Variants in RAB11FIP5 observed in about 807,000 individuals in gnomAD.
RAB11FIP5 encodes the protein rab11 family-interacting protein 5.
A neutral mutation model predicts 85.1 loss-of-function variants in RAB11FIP5; 48 were observed. The observed-to-expected ratio is 0.56, with a 90% confidence interval of 0.45 to 0.72. RAB11FIP5 has a LOEUF of 0.72. Among genes scored for constraint, RAB11FIP5 ranks in the 30% least tolerant of loss-of-function variants. RAB11FIP5 has a pLI of 0.00. For synonymous variants in RAB11FIP5, 729 were observed against 727.3 expected, an observed-to-expected ratio of 1.00 and a Z score of -0.04; for missense variants, 1,491 against 1,687.0, an observed-to-expected ratio of 0.88 and a Z score of 2.04.
Position 73,079,892 on chromosome 2 carries a change from C to A in RAB11FIP5, c.3340G>T (p.Ala1114Ser), listed in dbSNP as rs1008542864. The A allele has an allele frequency of 2.3e-5, 28 of 1,232,412 alleles. No individual in the cohort carries two copies. In the Middle Eastern group the frequency reaches 1.6e-3, roughly 69 times the overall value. The allele number at this position is 1,232,412 out of a possible 1,614,324, so 76.3% of individuals were successfully genotyped here. The change falls in exon 4 of 6, where the codon GCC (alanine) becomes TCC (serine). Residue 1114 changes from alanine to serine, a missense_variant. Physicochemically the swap from Ala to Ser is moderately conservative, Grantham distance 99. Transcript: ENST00000486777. ...DFPPPPLPPW[A>S]SHHRGGPSPP... Reference sequence around the variant, plus strand: ...CTGGGCCCCCCACGGTGGTGGCTGGCCCAAGGCGGGAGAGGGGGCGGTGGA... The same window carrying A: ...CTGGGCCCCCCACGGTGGTGGCTGGACCAAGGCGGGAGAGGGGGCGGTGGA...
rs977625866 is a variant in RAB11FIP5 at position 73,079,833 on chromosome 2, G to C, written c.3399C>G (p.Pro1133=). 1 of 1,232,216 alleles carries C rather than the reference G, an allele frequency of 8.1e-7. No homozygotes were observed. The highest frequency in any genetic ancestry group is 1.6e-5 in the African/African-American group (1 of 64,404). The allele number at this position is 1,232,216 out of a possible 1,614,324, so 76.3% of individuals were successfully genotyped here. The part of the protein sequence containing the change: ...PPCSPLSEAW[P]LTTSSAPPGE... ...CTGGTGGTGCAGAGGAGGTAGTCAG[G>C]GGCCAGGCTTCAGACAGGGGAGAGC... is the stretch of plus-strand genomic sequence containing the variant. The change falls in exon 4 of 6, where the codon CCC becomes CCG. Residue 1133 remains proline (P), a synonymous_variant. Coordinates refer to ENST00000486777, the MANE Select transcript of RAB11FIP5 (RefSeq NM_001371272.1).
intron 4 of RAB11FIP5, among the ~76,000 whole-genome samples, chr2:73,076,844 C>CGGT (rs2106100380): frequency 6.6e-6 from 1 of 152,316 alleles, no homozygotes; most frequent in East Asian, 1.9e-4. Flanking sequence ...TTCATTGACT[C>CGGT]CTTAACCCAT....
chr2:73,091,325 A>T (rs907563411), intron 1 of RAB11FIP5, among the ~76,000 whole-genome samples: 2 of 152,182 alleles, frequency 1.3e-5, no homozygotes, highest in Non-Finnish European at 2.9e-5. Flanking sequence ...CTGAGGGAAA[A>T]GCCTTCCACT....
At position 73,101,204 on chromosome 2, in the gene RAB11FIP5, G is replaced by T. The variant is rs1199248540; in HGVS notation, c.431+11143C>A. ...TCCAGGGGTGGAGAATCAGGGTGCA[G>T]GCCATCACGAGGAACCAACTGGCCA... is the stretch of plus-strand genomic sequence containing the variant. On this transcript the variant is annotated intron_variant, in intron 1 of 5. Coordinates refer to ENST00000486777, the MANE Select transcript of RAB11FIP5 (RefSeq NM_001371272.1). 2.0e-5 allele frequency among the ~76,000 whole-genome samples: 3 copies of T among 152,152 alleles called. No homozygotes were observed. In the East Asian group the frequency reaches 5.8e-4, roughly 29 times the overall value.
intron 1 of RAB11FIP5, among the ~76,000 whole-genome samples, chr2:73,106,069 G>A (rs1291716675): frequency 2.6e-5 from 4 of 152,038 alleles, no homozygotes; most frequent in Non-Finnish European, 4.4e-5. Flanking sequence ...TCAAAAAAAA[G>A]AAAGAAAAAG....
chr2:73,081,430 G>A lies in RAB11FIP5; in HGVS notation c.1802C>T (p.Thr601Ile). 8.1e-7 allele frequency: 1 copy of A among 1,232,978 alleles called. No homozygotes were observed. Among genetic ancestry groups the A allele is most frequent in the Non-Finnish European group, 1.0e-6 (1 of 988,384 alleles). 76.4% of individuals were successfully genotyped at this position (1,232,978 alleles called of 1,614,324 possible). A position where few individuals can be genotyped will look rare whatever the true frequency, so the allele number is the denominator to read the frequency against. ...GAAGAAGGGGTTGCTCTGCAAAGAG[G>A]TGAGGAACGGGTTGGTAAGACCCAA... is the stretch of plus-strand genomic sequence containing the variant. ...GLLGLTNPFL[T>I]SLQSNPFFEE... is the part of the protein sequence containing the mutation. The change falls in exon 4 of 6, where the codon ACC (threonine) becomes ATC (isoleucine). Residue 601 changes from threonine to isoleucine, a missense_variant. Transcript: ENST00000486777. This position sits in a 1 kb window ranked among gnomAD's most constrained non-coding sequence, Gnocchi z 4.2.
In RAB11FIP5 at chr2:73,080,458, A is replaced by AG; in HGVS notation, c.2773dup (p.Leu925ProfsTer3). The AG allele has an allele frequency of 8.1e-7, 1 of 1,233,676 alleles. No homozygotes were observed. Among genetic ancestry groups the AG allele is most frequent in the Non-Finnish European group, 1.0e-6 (1 of 988,848 alleles). The allele number at this position is 1,233,676 out of a possible 1,614,324, so 76.4% of individuals were successfully genotyped here. A position where few individuals can be genotyped will look rare whatever the true frequency, so the allele number is the denominator to read the frequency against. ...CTCTGTCTCCGGCCCCCTGTTACTCAGCCCCACTGCGGCCTTCTCCTCCTC... is the reference window on the plus strand; with the variant it reads ...CTCTGTCTCCGGCCCCCTGTTACTCAGGCCCCACTGCGGCCTTCTCCTCCTC... On this transcript the variant is annotated frameshift_variant, in exon 4 of 6. Transcript: ENST00000486777. LOFTEE classifies it high-confidence loss of function.
At chr2:73,104,979 A>G (rs931335180) in intron 1 of RAB11FIP5, among the ~76,000 whole-genome samples, 5 of 152,212 alleles carry the variant, frequency 3.3e-5, no homozygotes, top group East Asian at 1.9e-4. Flanking sequence ...CAGTGGTTAC[A>G]ATGGTTGTCC....
At chr2:73,091,815 C>T (rs1684218289) in intron 1 of RAB11FIP5, among the ~76,000 whole-genome samples, 1 of 152,184 alleles carries the variant, frequency 6.6e-6, no homozygotes, top group Non-Finnish European at 1.5e-5. Context: ...ACTCCGCAGC[C>T]TGAGCGGCCT....
In RAB11FIP5 at chr2:73,089,447, T is replaced by G. The variant is rs112876054; in HGVS notation, c.432-132A>C. ...ATAGCCTCTCCCCAAAGGCTCCTGC[T>G]CTGACCCATCGGCCTGGGCTTCCAG... On this transcript the variant is annotated intron_variant, in intron 1 of 5. Coordinates refer to ENST00000486777, the MANE Select transcript of RAB11FIP5 (RefSeq NM_001371272.1). This position sits in a 1 kb window ranked among gnomAD's most constrained non-coding sequence, Gnocchi z 4.6. 21 of 913,056 alleles carry G rather than the reference T, an allele frequency of 2.3e-5. 2 individuals are homozygous for G. Among genetic ancestry groups the G allele is most frequent in the African/African-American group, 1.3e-4 (8 of 61,868 alleles). The allele number at this position is 913,056 out of a possible 1,614,324, so 56.6% of individuals were successfully genotyped here.
At chr2:73,079,513 C>T in intron 4 of RAB11FIP5, 138 bp downstream of exon 4, 1 of 1,102,608 alleles carries the variant, frequency 9.1e-7, no homozygotes, top group Non-Finnish European at 1.1e-6. Context: ...CCTGTACCGT[C>T]TTGCCTCTGG....
chr2:73,106,229 G>A (rs140505661), intron 1 of RAB11FIP5, among the ~76,000 whole-genome samples: 2 of 152,258 alleles, frequency 1.3e-5, no homozygotes, highest in Non-Finnish European at 2.9e-5. Flanking sequence ...CTAGACCAAC[G>A]AGGCAATGAA....
In RAB11FIP5 at chr2:73,089,040, A is replaced by AG; in HGVS notation, c.706dup (p.Leu236ProfsTer47). On this transcript the variant is annotated frameshift_variant, in exon 2 of 6. Transcript: ENST00000486777. LOFTEE classifies it high-confidence loss of function. This position sits in a 1 kb window ranked among gnomAD's most constrained non-coding sequence, Gnocchi z 4.6. ...GGACGACTTGCGCAGCTTGTTGCGG[A>AG]GGAAGAAGCCTTTGGCTTTGCCCAT... 6.2e-7 allele frequency: 1 copy of AG among 1,614,210 alleles called. No individual in the cohort carries two copies. The highest frequency in any genetic ancestry group is 8.5e-7 in the Non-Finnish European group (1 of 1,180,030).
intron 3 of RAB11FIP5, among the ~76,000 whole-genome samples, chr2:73,082,452 G>A (rs1045606529): frequency 6.6e-6 from 1 of 152,232 alleles, no homozygotes; most frequent in African/African-American, 2.4e-5. Flanking sequence ...ACTTGAAACA[G>A]CCTGGGTTCT....
At position 73,088,535 on chromosome 2, in the gene RAB11FIP5, C is replaced by T. The variant is rs780307957; in HGVS notation, c.1083G>A (p.Ser361=). 140 of 1,613,816 alleles carry T rather than the reference C, an allele frequency of 8.7e-5. 1 individual carries two copies. In the South Asian group the frequency reaches 1.4e-3, roughly 16 times the overall value. The change falls in exon 3 of 6, where the codon TCG becomes TCA. Residue 361 remains serine, a synonymous_variant. Coordinates refer to ENST00000486777, the MANE Select transcript of RAB11FIP5 (RefSeq NM_001371272.1). ...CTTGCAAGGAGCCAGAGGATGGAAGCGAGCCCGAGATGGAGCTGCGGTGCC... is the reference window on the plus strand; with the variant it reads ...CTTGCAAGGAGCCAGAGGATGGAAGTGAGCCCGAGATGGAGCTGCGGTGCC... ...PVRHRSSISG[S]LPSSGSLQAV... is the part of the protein sequence containing the mutation.
intron 1 of RAB11FIP5, among the ~76,000 whole-genome samples, chr2:73,090,374 C>G (rs1227014063): frequency 6.6e-6 from 1 of 152,186 alleles, no homozygotes; most frequent in Non-Finnish European, 1.5e-5. Context: ...TCCGATCACA[C>G]AAGGAGCAAT....
At chr2:73,098,053 G>A (rs768230269) in intron 1 of RAB11FIP5, among the ~76,000 whole-genome samples, 28 of 152,306 alleles carry the variant, frequency 1.8e-4, no homozygotes, top group Admixed American at 7.2e-4. Context: ...GATATGGGAG[G>A]CAGACTCTGG....
intron 3 of RAB11FIP5, among the ~76,000 whole-genome samples, chr2:73,085,740 C>T (rs1235480285): frequency 2.0e-5 from 3 of 152,150 alleles, no homozygotes; most frequent in Admixed American, 1.3e-4. Context: ...AGCAGCCTTT[C>T]TCTGGATACC....
At chr2:73,100,410 GT>G (rs1684404829) in intron 1 of RAB11FIP5, among the ~76,000 whole-genome samples, 1 of 148,012 alleles carries the variant, frequency 6.8e-6, no homozygotes, top group Non-Finnish European at 1.5e-5. Flanking sequence ...AAAATAACGG[GT>G]TTTTTTGGTT....
Sources: allele counts gnomAD v4.1 joint callset (sites outside exome capture counted in the v4.1 genomes callset), GRCh38; gene constraint gnomAD v4.1.1; non-coding constraint Gnocchi (gnomAD v3.1); transcripts MANE v1.5; gene names NCBI Gene and HGNC (gene_info 2026-07-23, HGNC 2026-07-21).